ADAMTS18: variants seen among roughly 807,000 people sequenced by gnomAD.
ADAMTS18 encodes the protein A disintegrin and metalloproteinase with thrombospondin motifs 18.
A neutral mutation model predicts 165.9 loss-of-function variants in ADAMTS18; 157 were observed. The observed-to-expected ratio is 0.95, with a 90% CI of 0.83 to 1.08. ADAMTS18 has a LOEUF of 1.08. Ranked by LOEUF, ADAMTS18 falls within the 50% of genes least tolerant of loss-of-function variation. ADAMTS18 has a pLI of 0.00. For synonymous variants in ADAMTS18, 782 were observed against 578.2 expected (o/e 1.35, Z -5.06); for missense variants, 2,040 against 1,534.0 (o/e 1.33, Z -5.51).
At chr16:77,433,699 T>C (rs1329771998) in intron 2 of ADAMTS18, among the ~76,000 whole-genome samples, 1 of 152,196 alleles carries the variant, frequency 6.6e-6, no homozygotes, top group East Asian at 1.9e-4. Context: ...GAATCCAGGT[T>C]GAGCTGTAAG....
intron 7 of ADAMTS18, among the ~76,000 whole-genome samples, chr16:77,359,774 C>T (rs913818516): frequency 1.2e-4 from 18 of 152,060 alleles, no homozygotes; most frequent in Non-Finnish European, 7.4e-5. Flanking sequence ...GTCAGAGCAA[C>T]GGATAGAATG....
chr16:77,403,301 C>G (rs2057354289), intron 3 of ADAMTS18, among the ~76,000 whole-genome samples: 4 of 152,162 alleles, frequency 2.6e-5, no homozygotes, highest in Admixed American at 2.6e-4. Context: ...ACTTATTGAG[C>G]ATCCTTTAAG....
intron 14 of ADAMTS18, 89 bp downstream of exon 14, chr16:77,322,247 C>T: frequency 6.6e-7 from 1 of 1,512,884 alleles, no homozygotes; most frequent in Non-Finnish European, 9.1e-7. Context: ...TCTCCAGACA[C>T]ACAATCTCTC....
chr16:77,308,803 T>G (rs1195936645), intron 16 of ADAMTS18, among the ~76,000 whole-genome samples: 2 of 152,202 alleles, frequency 1.3e-5, no homozygotes, highest in Non-Finnish European at 2.9e-5. Flanking sequence ...AACAAAGCCT[T>G]GTGTAAAGTT....
rs369404300 is a variant in ADAMTS18 at position 77,293,063 on chromosome 16, T to G, written c.3189+13A>C. ...CTCAATCTCCTGACCCAGCAGTGAC[T>G]TCTAATCCATACCTCGCTCCACGAA... On this transcript the variant is annotated intron_variant, in intron 20 of 22. Transcript: ENST00000282849. 1.7e-5 allele frequency: 28 copies of G among 1,613,880 alleles called. No individual in the cohort carries two copies. Among genetic ancestry groups the G allele is most frequent in the Admixed American group, 3.3e-5 (2 of 59,972 alleles).
chr16:77,408,117 C>T (rs551343014), intron 3 of ADAMTS18, among the ~76,000 whole-genome samples: 26 of 152,150 alleles, frequency 1.7e-4, no homozygotes, highest in South Asian at 2.1e-4. Flanking sequence ...AAAATTTGCT[C>T]AACTTCTTTA....
rs548581399 is a variant in ADAMTS18, at chr16:77,335,627, G to A, written c.1859+129C>T. On this transcript the variant is annotated intron_variant, in intron 12 of 22. Coordinates refer to ENST00000282849, the MANE Select transcript of ADAMTS18 (RefSeq NM_199355.4). ...CACATCACATGTACCCCATAAATAT[G>A]TATAACCATTATGTAGCCATAATAA... is the stretch of plus-strand genomic sequence containing the variant. 1.5e-5 allele frequency: 17 copies of A among 1,142,502 alleles called. No homozygotes were observed. In the East Asian group the frequency reaches 4.2e-4, roughly 28 times the overall value. The allele number at this position is 1,142,502 out of a possible 1,614,324, so 70.8% of individuals were successfully genotyped here.
chr16:77,350,764 C>G (rs951259225), intron 10 of ADAMTS18, among the ~76,000 whole-genome samples: 1 of 152,186 alleles, frequency 6.6e-6, no homozygotes, highest in African/African-American at 2.4e-5. Context: ...CCCAAAATTT[C>G]TCATTCCTTA....
chr16:77,291,799 ATTT>A (rs2055369631), intron 20 of ADAMTS18, among the ~76,000 whole-genome samples: 1 of 152,198 alleles, frequency 6.6e-6, no homozygotes, highest in Non-Finnish European at 1.5e-5. Flanking sequence ...GGGCAAAAGA[ATTT>A]CCAGGTTTAG....
At chr16:77,284,172 G>A (rs1256910277) in intron 22 of ADAMTS18, 101 bp from the exon 23 acceptor site, 7 of 751,164 alleles carry the variant, frequency 9.3e-6, no homozygotes, top group Non-Finnish European at 1.1e-5. Context: ...CTAGGCTGGA[G>A]TGCAGTGGTG....
At chr16:77,391,816 T>G (rs1159129498) in intron 3 of ADAMTS18, among the ~76,000 whole-genome samples, 1 of 152,186 alleles carries the variant, frequency 6.6e-6, no homozygotes. Flanking sequence ...AGGAATTCAT[T>G]TTAGATCAAG....
At chr16:77,385,737 G>A (rs1010351833) in intron 3 of ADAMTS18, among the ~76,000 whole-genome samples, 5 of 152,158 alleles carry the variant, frequency 3.3e-5, no homozygotes, top group African/African-American at 1.2e-4. Flanking sequence ...TGATTGACAG[G>A]ACTTCCCAAG....
intron 3 of ADAMTS18, among the ~76,000 whole-genome samples, chr16:77,414,635 C>CA (rs1446361907): frequency 7.9e-5 from 12 of 151,952 alleles, no homozygotes; most frequent in African/African-American, 2.9e-4. Flanking sequence ...CCACACATCA[C>CA]AAAAAAGAAA....
intron 22 of ADAMTS18, among the ~76,000 whole-genome samples, chr16:77,288,065 A>T (rs1230446850): frequency 6.6e-6 from 1 of 152,096 alleles, no homozygotes; most frequent in African/African-American, 2.4e-5. Context: ...TCATGCATTT[A>T]TTCATTTAAG....
chr16:77,417,543 G>C (rs11640978), intron 3 of ADAMTS18, among the ~76,000 whole-genome samples: 24,151 of 152,218 alleles, frequency 0.16, 2,015 homozygotes, highest in Middle Eastern at 0.2. Context: ...TAAATGATTA[G>C]GTCAGCTGGT....
chr16:77,427,811 G>T (rs1316649153), intron 3 of ADAMTS18, among the ~76,000 whole-genome samples: 1 of 152,172 alleles, frequency 6.6e-6, no homozygotes. Flanking sequence ...TGCATTTTAA[G>T]AAATTATTAC....
At chr16:77,374,891 T>C (rs1160953319) in intron 3 of ADAMTS18, among the ~76,000 whole-genome samples, 1 of 152,136 alleles carries the variant, frequency 6.6e-6, no homozygotes, top group Non-Finnish European at 1.5e-5. Context: ...AATTTTACAG[T>C]GCTAGATATT....
At chr16:77,343,004 A>T (rs982963440) in intron 10 of ADAMTS18, among the ~76,000 whole-genome samples, 2 of 152,044 alleles carry the variant, frequency 1.3e-5, no homozygotes, top group Admixed American at 6.5e-5. Flanking sequence ...AAGCTGAAAA[A>T]GGCATGAAAA....
chr16:77,375,818 G>T (rs1455546479), intron 3 of ADAMTS18, among the ~76,000 whole-genome samples: 1 of 151,894 alleles, frequency 6.6e-6, no homozygotes, highest in African/African-American at 2.4e-5. Flanking sequence ...ATGACTGGAA[G>T]CCTCAGGAAA....
Sources: allele counts gnomAD v4.1 joint callset (sites outside exome capture counted in the v4.1 genomes callset), GRCh38; gene constraint gnomAD v4.1.1; transcripts MANE v1.5; gene names NCBI Gene and HGNC (gene_info 2026-07-23, HGNC 2026-07-21).